Variants in ZNF699 observed in about 807,000 individuals in gnomAD.
ZNF699 encodes hangover homolog.
In ZNF699, 18 loss-of-function variants were observed where a neutral mutation model predicts 22.5. The ratio of observed to expected loss-of-function variants is 0.80; its 90% CI spans 0.55 to 1.19. The LOEUF is 1.19. Ranked by LOEUF, ZNF699 falls within the 50% of genes most tolerant of loss-of-function variation. ZNF699 has a pLI of 0.00. For missense variants in ZNF699, 670 were observed against 763.4 expected (o/e 0.88, Z 1.44); for synonymous variants, 241 against 262.3 (o/e 0.92, Z 0.78).
rs760025636 is a variant in ZNF699 at position 9,296,448 on chromosome 19, G to A, written c.956C>T (p.Ser319Phe). 1 of 1,613,868 alleles carries A rather than the reference G, an allele frequency of 6.2e-7. No individual in the cohort carries two copies. Among genetic ancestry groups the A allele is most frequent in the East Asian group, 2.2e-5 (1 of 44,824 alleles). ...TCTTTTGTGTTTGGAGAGTGAGGAG[G>A]AACAACTGAAGGCCTTCCCACATTC... Reference protein sequence around the residue: ...CKECGKAFSCSSSLSKHKRIH... With the variant: ...CKECGKAFSCFSSLSKHKRIH... Residue 319 changes from serine to phenylalanine, a missense_variant, in exon 6 of 6, where the codon TCC becomes TTC. Transcript: ENST00000591998.
Position 9,296,299 on chromosome 19 carries a change from C to T in ZNF699, c.1105G>A (p.Gly369Arg), listed in dbSNP as rs2066285902. ...GEKPYECKECGKAFSESSKLT... is the reference protein window; with the variant it reads ...GEKPYECKECRKAFSESSKLT... Reference sequence around the variant, plus strand: ...TTTGAGGACTCGCTGAAGGCCTTCCCACACTCTTTACATTCATAAGGCTTC... The same window carrying T: ...TTTGAGGACTCGCTGAAGGCCTTCCTACACTCTTTACATTCATAAGGCTTC... Residue 369 changes from glycine (G) to arginine (R), a missense_variant, in exon 6 of 6, where the codon GGG becomes AGG. Coordinates refer to ENST00000591998, the MANE Select transcript of ZNF699 (RefSeq NM_198535.3). The T allele has an allele frequency of 6.2e-7, 1 of 1,613,836 alleles. No individual in the cohort carries two copies. Among genetic ancestry groups the T allele is most frequent in the South Asian group, 1.1e-5 (1 of 91,068 alleles).
Position 9,300,991 on chromosome 19 carries a change from T to C in ZNF699, c.175+1387A>G, listed in dbSNP as rs567726816. Among the ~76,000 whole-genome samples, 9 of 152,252 alleles carry C rather than the reference T, an allele frequency of 5.9e-5. No individual in the cohort carries two copies. In the East Asian group the frequency reaches 1.5e-3, roughly 26 times the overall value. ...TGTAGCTTCATCAGTTATAACAAATTTACCACTCTGGTGGGGGATGTTGTT... is the reference window on the plus strand; with the variant it reads ...TGTAGCTTCATCAGTTATAACAAATCTACCACTCTGGTGGGGGATGTTGTT... On this transcript the variant is annotated intron_variant, in intron 3 of 5. Coordinates refer to ENST00000591998, the MANE Select transcript of ZNF699 (RefSeq NM_198535.3).
rs550195257 is a variant in ZNF699 at position 9,295,748 on chromosome 19, C to A, written c.1656G>T (p.Thr552=). 5.6e-6 allele frequency: 9 copies of A among 1,609,514 alleles called. No individual in the cohort carries two copies. Among genetic ancestry groups the A allele is most frequent in the Non-Finnish European group, 7.6e-6 (9 of 1,178,674 alleles). Residue 552 remains threonine (T), a synonymous_variant, in exon 6 of 6, where the codon ACG becomes ACT. Transcript: ENST00000591998. ...ATTCATAGGGTTTTTCCCCAGTGTG[C>A]GTTCTCATGTGGATCCTAAGGGCTG... is the stretch of plus-strand genomic sequence containing the variant. The part of the protein sequence containing the change: ...YPSALRIHMR[T]HTGEKPYECK...
rs939890678 is a variant in ZNF699, at chr19:9,297,138, C to T, written c.470+158G>A. Among the ~76,000 whole-genome samples, 7 of 152,104 alleles carry T rather than the reference C, an allele frequency of 4.6e-5. No individual in the cohort carries two copies. Among genetic ancestry groups the T allele is most frequent in the East Asian group, 1.9e-4 (1 of 5,186 alleles). On this transcript the variant is annotated intron_variant, in intron 5 of 5. Coordinates refer to ENST00000591998, the MANE Select transcript of ZNF699 (RefSeq NM_198535.3). This position sits in a 1 kb window ranked among gnomAD's most constrained non-coding sequence, Gnocchi z 4.3. ...AGTATGTGTCAAACATTCAAAATCC[C>T]GGTCTCATTTGTGGAAAAAATTAAC...
chr19:9,297,614 AAACT>A lies in ZNF699; in HGVS notation c.287-139_287-136del, dbSNP rs2066291808. On this transcript the variant is annotated intron_variant, in intron 4 of 5. Coordinates refer to ENST00000591998, the MANE Select transcript of ZNF699 (RefSeq NM_198535.3). This position sits in a 1 kb window ranked among gnomAD's most constrained non-coding sequence, Gnocchi z 4.3. Reference sequence around the variant, plus strand: ...CTAAGAAATAATTTTATGAAGATTGAAACTAACATAACTAATATAGTATTAGGAG... The same window carrying A: ...CTAAGAAATAATTTTATGAAGATTGAAACATAACTAATATAGTATTAGGAG... The A allele has an allele frequency of 2.8e-6, 2 of 711,816 alleles. No homozygotes were observed. Among genetic ancestry groups the A allele is most frequent in the Non-Finnish European group, 4.5e-6 (2 of 443,300 alleles). The allele number at this position is 711,816 out of a possible 1,614,324, so 44.1% of individuals were successfully genotyped here. A position where few individuals can be genotyped will look rare whatever the true frequency, so the allele number is the denominator to read the frequency against.
Position 9,297,929 on chromosome 19 carries a change from T to C in ZNF699, c.237A>G (p.Thr79=). 1 of 1,613,844 alleles carries C rather than the reference T, an allele frequency of 6.2e-7. No homozygotes were observed. ...TGCCCTGGATAAGTTCTCTCTTCAC[T>C]GTCTGCAGGTCCTCCTCTTGTTCCC... ...SQWEQEEDLQ[T]VKRELIQGIF... is the part of the protein sequence containing the mutation. Residue 79 remains threonine (T), a synonymous_variant, in exon 4 of 6, where the codon ACA becomes ACG. Transcript: ENST00000591998. The surrounding 1 kb of genome is among the most constrained non-coding windows in gnomAD (Gnocchi z 4.3).
At position 9,292,532 on chromosome 19, in the gene ZNF699, A is replaced by C. The variant is rs1056615548; in HGVS notation, c.*2943T>G. Among the ~76,000 whole-genome samples the C allele has an allele frequency of 6.6e-6, 1 of 152,190 alleles. No homozygotes were observed. The highest frequency in any genetic ancestry group is 1.5e-5 in the Non-Finnish European group (1 of 68,026). ...TGCACAGCCAAGACAGGGAGACAGA[A>C]TTCAACTAGATAACATTTTTTTAGC... On this transcript the variant is annotated 3_prime_UTR_variant, in exon 6 of 6. Coordinates refer to ENST00000591998, the MANE Select transcript of ZNF699 (RefSeq NM_198535.3).
intron 3 of ZNF699, among the ~76,000 whole-genome samples, chr19:9,299,019 CA>C (rs1256300304): frequency 6.6e-6 from 1 of 152,250 alleles, no homozygotes; most frequent in East Asian, 1.9e-4. Context: ...AGACCCTTCA[CA>C]AAAGTTAACG....
In ZNF699 at chr19:9,296,766, T is replaced by C; in HGVS notation, c.638A>G (p.His213Arg). The change falls in exon 6 of 6, where the codon CAC becomes CGC. Residue 213 changes from histidine (H) to arginine (R), a missense_variant. Physicochemically the swap from His to Arg is conservative, Grantham distance 29 (BLOSUM62 0). Coordinates refer to ENST00000591998, the MANE Select transcript of ZNF699 (RefSeq NM_198535.3). ...TTTGCTTCCAGTATGAGACCTGATG[T>C]GACTCTTAAGGGATGAATGATCCAC... ...AFVDHSSLKS[H>R]IRSHTGSKPY... 6.2e-7 allele frequency: 1 copy of C among 1,614,150 alleles called. No homozygotes were observed. Among genetic ancestry groups the C allele is most frequent in the South Asian group, 1.1e-5 (1 of 91,082 alleles).
In ZNF699 at chr19:9,291,459, G is replaced by A. The variant is rs1009929593; in HGVS notation, c.*4016C>T. 1 of 152,016 alleles carries A rather than the reference G, an allele frequency of 6.6e-6. No homozygotes were observed. The highest frequency in any genetic ancestry group is 1.5e-5 in the Non-Finnish European group (1 of 68,010). 9.4% of individuals were successfully genotyped at this position (152,016 alleles called of 1,614,324 possible). On this transcript the variant is annotated 3_prime_UTR_variant, in exon 6 of 6. Transcript: ENST00000591998. ...CAAGAAAAGACAAATGAACCAAGAGGCAGAGATCACCTCAGCAAAGAGGAA... is the reference window on the plus strand; with the variant it reads ...CAAGAAAAGACAAATGAACCAAGAGACAGAGATCACCTCAGCAAAGAGGAA...
In ZNF699 at chr19:9,293,641, CA is replaced by C. The variant is rs2066274175; in HGVS notation, c.*1833del. ...TGTGGTTGCCCTGTGGAGTAATTAT[CA>C]CTGAGAAAGAGGATGAAGGAACTTC... On this transcript the variant is annotated 3_prime_UTR_variant, in exon 6 of 6. Transcript: ENST00000591998. Among the ~76,000 whole-genome samples, 1 of 152,090 alleles carries C rather than the reference CA, an allele frequency of 6.6e-6. No individual in the cohort carries two copies.
Position 9,295,649 on chromosome 19 carries a change from T to G in ZNF699, c.1755A>C (p.Lys585Asn), listed in dbSNP as rs2066281713. 6.2e-7 allele frequency: 1 copy of G among 1,613,520 alleles called. No homozygotes were observed. The highest frequency in any genetic ancestry group is 2.2e-5 in the East Asian group (1 of 44,868). The part of the protein sequence containing the change: ...TVHARMHTGE[K>N]PFECLECGKA... ...TTCCACATTCCAGACATTCAAAGGG[T>G]TTCTCTCCAGTGTGCATTCTTGCAT... The change falls in exon 6 of 6, where the codon AAA becomes AAC. Residue 585 changes from lysine (K) to asparagine (N), a missense_variant. Transcript: ENST00000591998.
chr19:9,306,377 G>A (rs562060426), intron 1 of ZNF699, among the ~76,000 whole-genome samples: 1 of 147,200 alleles, frequency 6.8e-6, no homozygotes, highest in African/African-American at 2.5e-5. Flanking sequence ...GGGAGACAGA[G>A]CGAGACTCCA....
Position 9,297,911 on chromosome 19 carries a change from G to C in ZNF699, c.255C>G (p.Ile85Met). ...EDLQTVKREL[I>M]QGIFMGEHRE... Reference sequence around the variant, plus strand: ...GGTGCTCTCCCATAAAGATGCCCTGGATAAGTTCTCTCTTCACTGTCTGCA... The same window carrying C: ...GGTGCTCTCCCATAAAGATGCCCTGCATAAGTTCTCTCTTCACTGTCTGCA... Residue 85 changes from isoleucine to methionine, a missense_variant, in exon 4 of 6, where the codon ATC becomes ATG. By Grantham distance (10) the Ile-to-Met change is conservative. Coordinates refer to ENST00000591998, the MANE Select transcript of ZNF699 (RefSeq NM_198535.3). The surrounding 1 kb of genome is among the most constrained non-coding windows in gnomAD (Gnocchi z 4.3). 6.2e-7 allele frequency: 1 copy of C among 1,613,686 alleles called. No individual in the cohort carries two copies. The highest frequency in any genetic ancestry group is 8.5e-7 in the Non-Finnish European group (1 of 1,179,934).
intron 3 of ZNF699, among the ~76,000 whole-genome samples, chr19:9,301,095 C>G (rs2066305452): frequency 6.8e-6 from 1 of 148,048 alleles, no homozygotes; most frequent in African/African-American, 2.5e-5. Flanking sequence ...AGCTGTGAAC[C>G]TAAAATTGCT....
At chr19:9,302,780 A>G (rs10854142) in intron 2 of ZNF699, among the ~76,000 whole-genome samples, 90,013 of 152,034 alleles carry the variant, frequency 0.59, 26,873 homozygotes, top group African/African-American at 0.65. Context: ...CACTTTGGGG[A>G]GCCAAAGCAG....
rs1266743914 is a variant in ZNF699, at chr19:9,296,732, C to T, written c.672G>A (p.Gln224=). The T allele has an allele frequency of 6.2e-7, 1 of 1,614,108 alleles. No individual in the cohort carries two copies. The highest frequency in any genetic ancestry group is 2.2e-5 in the East Asian group (1 of 44,874). Residue 224 remains glutamine (Q), a synonymous_variant, in exon 6 of 6, where the codon CAG becomes CAA. Coordinates refer to ENST00000591998, the MANE Select transcript of ZNF699 (RefSeq NM_198535.3). ...GGAAGGCCTTCCCACATTCCTTGCA[C>T]TGATAGGGTTTGCTTCCAGTATGAG... The part of the protein sequence containing the change: ...IRSHTGSKPY[Q]CKECGKAFHF...
chr19:9,296,681 A>G lies in ZNF699; in HGVS notation c.723T>C (p.His241=). 6.2e-7 allele frequency: 1 copy of G among 1,613,300 alleles called. No individual in the cohort carries two copies. The highest frequency in any genetic ancestry group is 8.5e-7 in the Non-Finnish European group (1 of 1,179,820). Residue 241 remains histidine, a synonymous_variant, in exon 6 of 6, where the codon CAT becomes CAC. Transcript: ENST00000591998. ...GCTTCTCTTCAGTGGGGGTTTTCAT[A>G]TGCTTCTTGAAACAAGCAAGAAAAT... The part of the protein sequence containing the change: ...AFHFLACFKK[H]MKTPTEEKPY...
Position 9,297,214 on chromosome 19 carries a change from T to C in ZNF699, c.470+82A>G. On this transcript the variant is annotated intron_variant, in intron 5 of 5. Transcript: ENST00000591998. The surrounding 1 kb of genome is among the most constrained non-coding windows in gnomAD (Gnocchi z 4.3). ...AATCTTTGATCTAGGCTTATTTATA[T>C]ATACATATTTCTTAAATTTCATGAC... 1.5e-6 allele frequency: 2 copies of C among 1,342,820 alleles called. No homozygotes were observed. Among genetic ancestry groups the C allele is most frequent in the Non-Finnish European group, 1.0e-6 (1 of 980,606 alleles). The allele number at this position is 1,342,820 out of a possible 1,614,324, so 83.2% of individuals were successfully genotyped here.
Sources: gnomAD v4.1 joint callset for allele counts (sites outside exome capture counted in the v4.1 genomes callset) on GRCh38, gnomAD v4.1.1 for gene constraint, Gnocchi (gnomAD v3.1) non-coding constraint, MANE v1.5 for transcripts, NCBI Gene and HGNC (gene_info 2026-07-23, HGNC 2026-07-21) for gene names.